ZNF420: variants seen among roughly 807,000 people sequenced by gnomAD.
ZNF420 encodes ATM and p53-associated KZNF protein.
A neutral mutation model predicts 44.7 loss-of-function variants in ZNF420; 31 were observed. The ratio of observed to expected loss-of-function variants is 0.69; its 90% CI spans 0.52 to 0.94. The LOEUF (loss-of-function observed/expected upper bound fraction) is 0.94, where lower values mean the gene tolerates loss of function less well. Among genes scored for constraint, ZNF420 ranks in the 40% least tolerant of loss-of-function variants. The pLI is 0.00. For synonymous variants in ZNF420, 245 were observed against 267.4 expected (o/e 0.92, Z 0.82); for missense variants, 681 against 827.9 (o/e 0.82, Z 2.18).
At chr19:37,112,268 G>T (rs1415237169) in intron 4 of ZNF420, among the ~76,000 whole-genome samples, 1 of 151,786 alleles carries the variant, frequency 6.6e-6, no homozygotes, top group Non-Finnish European at 1.5e-5. Flanking sequence ...TCCCATCTTA[G>T]TCGTGATTTT....
At chr19:37,019,292 T>C (rs1453089951) in intron 1 of ZNF420, among the ~76,000 whole-genome samples, 2 of 152,150 alleles carry the variant, frequency 1.3e-5, no homozygotes, top group Non-Finnish European at 1.5e-5. Flanking sequence ...ACCACACTAA[T>C]TATTAGGGAA....
chr19:37,119,585 T>C (rs1042964687), intron 4 of ZNF420, among the ~76,000 whole-genome samples: 6 of 151,998 alleles, frequency 3.9e-5, no homozygotes, highest in Non-Finnish European at 8.8e-5. Context: ...AGCAAACACA[T>C]TCAAAAGCTA....
intron 1 of ZNF420, among the ~76,000 whole-genome samples, chr19:37,042,181 TAG>T (rs1166637803): frequency 6.6e-6 from 1 of 152,222 alleles, no homozygotes; most frequent in Non-Finnish European, 1.5e-5. Context: ...GTATTTTTAA[TAG>T]AGACAGGGTT....
At chr19:37,112,182 T>C (rs1473880484) in intron 4 of ZNF420, among the ~76,000 whole-genome samples, 1 of 152,112 alleles carries the variant, frequency 6.6e-6, no homozygotes, top group Admixed American at 6.5e-5. Flanking sequence ...ATTGCTGCTG[T>C]TTCTTGATTT....
intron 2 of ZNF420, among the ~76,000 whole-genome samples, chr19:37,086,341 G>A (rs938029897): frequency 6.6e-6 from 1 of 152,048 alleles, no homozygotes; most frequent in African/African-American, 2.4e-5. Flanking sequence ...CGCTTTCTCT[G>A]GGTTAGCCTC....
chr19:37,053,068 T>C (rs1186648857), intron 1 of ZNF420, among the ~76,000 whole-genome samples: 1 of 152,208 alleles, frequency 6.6e-6, no homozygotes, highest in Non-Finnish European at 1.5e-5. Flanking sequence ...TTTCTTTTTA[T>C]TCCTTTTTCT....
chr19:37,047,379 C>T (rs906060572), intron 1 of ZNF420, among the ~76,000 whole-genome samples: 1 of 152,158 alleles, frequency 6.6e-6, no homozygotes, highest in African/African-American at 2.4e-5. Context: ...CAGTGCATCC[C>T]CTCCTGAAGA....
chr19:37,105,698 T>G (rs1310431146), intron 4 of ZNF420, among the ~76,000 whole-genome samples: 1 of 152,210 alleles, frequency 6.6e-6, no homozygotes, highest in Non-Finnish European at 1.5e-5. Context: ...GTTTGTGTTC[T>G]CTTTTATTTC....
At position 37,130,366 on chromosome 19, in the gene ZNF420, A is replaced by C; in HGVS notation, c.*1308A>C. On this transcript the variant is annotated 3_prime_UTR_variant, in exon 5 of 5. Coordinates refer to ENST00000337995, the MANE Select transcript of ZNF420 (RefSeq NM_144689.5). ...GACAATAAAAATTCTTAAGGATATA[A>C]AATTTTGTACCTGGAAGTGGGATGC... The C allele has an allele frequency of 8.0e-7, 1 of 1,253,522 alleles. No individual in the cohort carries two copies. 77.6% of individuals were successfully genotyped at this position (1,253,522 alleles called of 1,614,324 possible). A position where few individuals can be genotyped will look rare whatever the true frequency, so the allele number is the denominator to read the frequency against.
chr19:37,068,060 A>G (rs1432895583), intron 1 of ZNF420, among the ~76,000 whole-genome samples: 1 of 152,148 alleles, frequency 6.6e-6, no homozygotes, highest in African/African-American at 2.4e-5. Context: ...ACCAGATTAT[A>G]CCACAAAGAT....
intron 2 of ZNF420, among the ~76,000 whole-genome samples, chr19:37,087,291 AAATAAATAAAT>A (rs1197952270): frequency 9.6e-4 from 68 of 70,738 alleles, no homozygotes; most frequent in African/African-American, 3.5e-3. Context: ...TCAAAAAAAA[AAATAAATAAAT>A]AAATAAATAA....
intron 4 of ZNF420, among the ~76,000 whole-genome samples, chr19:37,115,341 G>A (rs560684638): frequency 2.0e-5 from 3 of 152,144 alleles, no homozygotes; most frequent in Non-Finnish European, 2.9e-5. Context: ...CGGAGGACCC[G>A]CGCCAGCACT....
chr19:37,089,167 T>C lies in ZNF420; in HGVS notation c.9+40T>C. 4 of 1,578,100 alleles carry C rather than the reference T, an allele frequency of 2.5e-6. No individual in the cohort carries two copies. The African/African-American group carries it at 4.0e-5, about 16-fold the overall frequency. ...CCTTGTGCTCTTTTCACTTACTTTT[T>C]TACAGAGCATGTGTGTGTTTGTATT... On this transcript the variant is annotated intron_variant, in intron 3 of 4. Coordinates refer to ENST00000337995, the MANE Select transcript of ZNF420 (RefSeq NM_144689.5).
chr19:37,068,408 G>C (rs1475984404), intron 1 of ZNF420, among the ~76,000 whole-genome samples: 1 of 152,188 alleles, frequency 6.6e-6, no homozygotes. Context: ...GGGAGGCTGA[G>C]GCGGGCGGAT....
chr19:37,096,208 G>A (rs1263041862), intron 4 of ZNF420: 1 of 142,308 alleles, frequency 7.0e-6, no homozygotes, highest in Non-Finnish European at 1.5e-5. Context: ...CTAGATGTTT[G>A]ATGTTCTCCC....
At chr19:37,126,384 G>A (rs1000429873) in intron 4 of ZNF420, among the ~76,000 whole-genome samples, 2 of 152,104 alleles carry the variant, frequency 1.3e-5, no homozygotes, top group Non-Finnish European at 2.9e-5. Flanking sequence ...AGTTTTTCTG[G>A]CAAATAAGGA....
At chr19:37,032,461 C>T (rs1967278843) in intron 1 of ZNF420, among the ~76,000 whole-genome samples, 1 of 150,192 alleles carries the variant, frequency 6.7e-6, no homozygotes, top group Non-Finnish European at 1.5e-5. Context: ...GCCAAGATCG[C>T]GCTCTGCACT....
intron 1 of ZNF420, among the ~76,000 whole-genome samples, chr19:37,011,789 G>A (rs560376783): frequency 2.7e-4 from 41 of 152,242 alleles, no homozygotes; most frequent in Admixed American, 1.1e-3. Context: ...CATCTGTTCT[G>A]GGGGACGCCA....
chr19:37,032,143 G>A (rs1967270864), intron 1 of ZNF420, among the ~76,000 whole-genome samples: 1 of 152,026 alleles, frequency 6.6e-6, no homozygotes, highest in Non-Finnish European at 1.5e-5. Context: ...AGAAGATTGA[G>A]ACCATCCTGG....
Sources: allele counts gnomAD v4.1 joint callset (sites outside exome capture counted in the v4.1 genomes callset), GRCh38; gene constraint gnomAD v4.1.1; transcripts MANE v1.5; gene names NCBI Gene and HGNC (gene_info 2026-07-23, HGNC 2026-07-21).